KLHL32: variants seen among roughly 807,000 people sequenced by gnomAD.
KLHL32 encodes kelch-like protein 32.
A neutral mutation model predicts 64.8 loss-of-function variants in KLHL32; 35 were observed. The observed-to-expected ratio is 0.54, with a 90% CI of 0.41 to 0.72. KLHL32 has a LOEUF of 0.72. Ranked by LOEUF, KLHL32 falls within the 30% of genes least tolerant of loss-of-function variation. KLHL32 has a pLI of 0.00. For missense variants in KLHL32, 589 were observed against 768.5 expected, an observed-to-expected ratio of 0.77 and a Z score of 2.76; for synonymous variants, 259 against 281.0, an observed-to-expected ratio of 0.92 and a Z score of 0.78.
intron 6 of KLHL32, among the ~76,000 whole-genome samples, chr6:97,093,148 A>C (rs1422427456): frequency 1.6e-5 from 2 of 128,924 alleles, no homozygotes; most frequent in South Asian, 2.5e-4. Context: ...GGTGCCCTGC[A>C]GTAATATTGC....
chr6:97,126,119 A>T (rs1354962121), intron 7 of KLHL32, among the ~76,000 whole-genome samples: 3 of 152,182 alleles, frequency 2.0e-5, no homozygotes. Context: ...AAATTCTAGT[A>T]GGAAACTTTT....
chr6:97,064,842 GT>G, intron 5 of KLHL32, 116 bp downstream of exon 5: 1 of 791,348 alleles, frequency 1.3e-6, no homozygotes, highest in South Asian at 1.7e-5. Context: ...GGTGTGGGCT[GT>G]GGTAGTAGAG....
chr6:96,995,873 A>G (rs1480342004), intron 3 of KLHL32, among the ~76,000 whole-genome samples: 1 of 152,258 alleles, frequency 6.6e-6, no homozygotes, highest in Non-Finnish European at 1.5e-5. Flanking sequence ...AAGATTATGT[A>G]CTATGTGTGG....
chr6:96,955,661 G>A (rs1045614373), intron 1 of KLHL32, among the ~76,000 whole-genome samples: 1 of 152,176 alleles, frequency 6.6e-6, no homozygotes, highest in Non-Finnish European at 1.5e-5. Context: ...CCGAGGCCAG[G>A]CACGGTGGCT....
Position 96,998,613 on chromosome 6 carries a change from T to G in KLHL32, c.204+22436T>G, listed in dbSNP as rs185044885. 6.1e-4 allele frequency among the ~76,000 whole-genome samples: 93 copies of G among 152,356 alleles called. 1 individual carries two copies. The highest frequency in any genetic ancestry group is 1.2e-3 in the Non-Finnish European group (83 of 68,040). ...ATGTCACTAAAATTAAATATCATGA[T>G]GTTCAATATTTTCCTTAGTCAATTT... On this transcript the variant is annotated intron_variant, in intron 3 of 10. Coordinates refer to ENST00000369261, the MANE Select transcript of KLHL32 (RefSeq NM_052904.4).
intron 7 of KLHL32, among the ~76,000 whole-genome samples, chr6:97,118,891 G>A (rs1430930575): frequency 6.6e-6 from 1 of 152,174 alleles, no homozygotes; most frequent in African/African-American, 2.4e-5. Context: ...TCTTTCCAAG[G>A]TACAAAAGTA....
At chr6:97,019,968 G>C (rs1408075308) in intron 3 of KLHL32, among the ~76,000 whole-genome samples, 1 of 123,240 alleles carries the variant, frequency 8.1e-6, no homozygotes, top group Non-Finnish European at 1.6e-5. Flanking sequence ...TTTTTTTTGA[G>C]ACAGAGTCTT....
intron 1 of KLHL32, among the ~76,000 whole-genome samples, chr6:96,959,752 G>C (rs1036010698): frequency 2.0e-5 from 3 of 152,092 alleles, no homozygotes; most frequent in African/African-American, 7.2e-5. Context: ...CTTGGCCTTT[G>C]GTTTCTATGG....
the KLHL32 span, among the ~76,000 whole-genome samples, chr6:96,907,875 A>G: frequency 6.6e-6 from 1 of 152,248 alleles, no homozygotes; most frequent in African/African-American, 2.4e-5. Flanking sequence ...TTAGCGCTCA[A>G]GATGTACAAC....
intron 3 of KLHL32, among the ~76,000 whole-genome samples, chr6:97,036,862 G>A (rs972562466): frequency 6.6e-6 from 1 of 152,182 alleles, no homozygotes; most frequent in African/African-American, 2.4e-5. Context: ...GATTTGTGTT[G>A]GTAAAGACTG....
At chr6:97,113,604 T>G (rs1797457364) in intron 6 of KLHL32, among the ~76,000 whole-genome samples, 179 bp from the exon 7 acceptor site, 1 of 152,220 alleles carries the variant, frequency 6.6e-6, no homozygotes, top group African/African-American at 2.4e-5. Flanking sequence ...TTTTGTGTCT[T>G]TGCTGAGACG....
At chr6:97,135,949 A>G (rs546806896) in intron 10 of KLHL32, among the ~76,000 whole-genome samples, 1 of 152,326 alleles carries the variant, frequency 6.6e-6, no homozygotes, top group Non-Finnish European at 1.5e-5. Context: ...AATATTTATG[A>G]GAAAATGCTT....
intron 3 of KLHL32, among the ~76,000 whole-genome samples, chr6:97,005,679 G>A (rs911892690): frequency 2.0e-5 from 3 of 152,094 alleles, no homozygotes; most frequent in Non-Finnish European, 2.9e-5. Context: ...GGCATGTGGT[G>A]AATTGATTCT....
intron 6 of KLHL32, among the ~76,000 whole-genome samples, chr6:97,089,460 G>A (rs770950542): frequency 3.3e-5 from 5 of 152,106 alleles, no homozygotes; most frequent in Non-Finnish European, 5.9e-5. Context: ...CTTACTTTTA[G>A]TGAGAACTTA....
At chr6:96,990,924 A>T (rs1777786184) in intron 3 of KLHL32, among the ~76,000 whole-genome samples, 1 of 152,110 alleles carries the variant, frequency 6.6e-6, no homozygotes, top group Non-Finnish European at 1.5e-5. Flanking sequence ...GTACCACTGC[A>T]GTGGCAGTGG....
intron 2 of KLHL32, among the ~76,000 whole-genome samples, chr6:96,968,401 AAC>A (rs1774727651): frequency 6.6e-6 from 1 of 151,964 alleles, no homozygotes; most frequent in African/African-American, 2.4e-5. Flanking sequence ...CAAAAAAAAA[AAC>A]ATCTAGCCCA....
chr6:97,022,470 A>ATTTTT (rs145998879), intron 3 of KLHL32, among the ~76,000 whole-genome samples: 1 of 138,970 alleles, frequency 7.2e-6, no homozygotes, highest in African/African-American at 2.8e-5. Flanking sequence ...ATAACACCTA[A>ATTTTT]TTTTTTTTTT....
At chr6:97,034,455 A>T (rs1316628412) in intron 3 of KLHL32, among the ~76,000 whole-genome samples, 1 of 152,130 alleles carries the variant, frequency 6.6e-6, no homozygotes. Context: ...TGATGCCTCC[A>T]GCATGTTCTT....
chr6:96,967,158 G>A, intron 2 of KLHL32, 75 bp downstream of exon 2: 2 of 1,359,216 alleles, frequency 1.5e-6, no homozygotes, highest in Non-Finnish European at 1.0e-6. Context: ...CTAGGATCAA[G>A]CACAAAGCAG....
Sources: allele counts gnomAD v4.1 joint callset (sites outside exome capture counted in the v4.1 genomes callset), GRCh38; gene constraint gnomAD v4.1.1; transcripts MANE v1.5; gene names NCBI Gene and HGNC (gene_info 2026-07-23, HGNC 2026-07-21).